PCDH15: variants seen among roughly 807,000 people sequenced by gnomAD.
The protein encoded by PCDH15 is protocadherin-15.
Under a neutral mutation model 178.5 loss-of-function variants are expected in PCDH15, and 129 were observed. The ratio of observed to expected loss-of-function variants is 0.72; its 90% confidence interval spans 0.63 to 0.84. PCDH15 has a LOEUF of 0.84. Ranked by LOEUF, PCDH15 falls within the 40% of genes least tolerant of loss-of-function variation. PCDH15 has a pLI of 0.00. For missense variants in PCDH15, 2,230 were observed against 2,099.9 expected (o/e 1.06, Z -1.21); for synonymous variants, 800 against 732.0 (o/e 1.09, Z -1.50).
chr10:54,570,072 GT>G (rs2089598080), intron 2 of PCDH15, among the ~76,000 whole-genome samples: 1 of 151,776 alleles, frequency 6.6e-6, no homozygotes, highest in Non-Finnish European at 1.5e-5. Flanking sequence ...GTGTGTGTGT[GT>G]TTGTGTGAAT....
intron 2 of PCDH15, among the ~76,000 whole-genome samples, chr10:55,129,529 A>G (rs1229076592): frequency 2.0e-5 from 3 of 152,110 alleles, no homozygotes; most frequent in African/African-American, 7.2e-5. Flanking sequence ...TACATAGTCA[A>G]TTCTTCTCTC....
chr10:55,326,739 C>G (rs2132305502), intron 2 of PCDH15, among the ~76,000 whole-genome samples: 1 of 151,950 alleles, frequency 6.6e-6, no homozygotes, highest in South Asian at 2.1e-4. Context: ...ACAACAAAAT[C>G]TAACACATAC....
intron 3 of PCDH15, among the ~76,000 whole-genome samples, chr10:54,847,609 A>G (rs995105358): frequency 6.6e-6 from 1 of 152,174 alleles, no homozygotes; most frequent in African/African-American, 2.4e-5. Flanking sequence ...ACCACACAAT[A>G]CACTTCAGGA....
At chr10:55,103,467 G>A (rs2132048252) in intron 2 of PCDH15, among the ~76,000 whole-genome samples, 1 of 152,022 alleles carries the variant, frequency 6.6e-6, no homozygotes, top group Non-Finnish European at 1.5e-5. Flanking sequence ...GATGTTTTTT[G>A]TTATATCCAC....
chr10:54,546,546 G>GA (rs1565561489), intron 2 of PCDH15, among the ~76,000 whole-genome samples: 1 of 151,988 alleles, frequency 6.6e-6, no homozygotes, highest in East Asian at 1.9e-4. Context: ...TTTATTATAA[G>GA]AAAACATGAC....
chr10:53,934,312 C>T (rs1039268445), intron 25 of PCDH15, among the ~76,000 whole-genome samples: 5 of 152,096 alleles, frequency 3.3e-5, no homozygotes, highest in African/African-American at 4.8e-5. Flanking sequence ...GGCAGCATCA[C>T]CTCACTCATG....
chr10:53,941,530 C>T (rs753097916), intron 23 of PCDH15, among the ~76,000 whole-genome samples: 48 of 152,134 alleles, frequency 3.2e-4, no homozygotes, highest in South Asian at 1.0e-3. Context: ...CATAATATTT[C>T]GCGGTCTGAA....
intron 2 of PCDH15, among the ~76,000 whole-genome samples, chr10:54,964,421 T>TGCCA (rs1352369752): frequency 6.6e-6 from 1 of 152,192 alleles, no homozygotes; most frequent in Non-Finnish European, 1.5e-5. Flanking sequence ...CTTACTCTCC[T>TGCCA]ATTATAAGAA....
intron 15 of PCDH15, among the ~76,000 whole-genome samples, chr10:54,121,093 T>C (rs1020566061): frequency 1.3e-5 from 2 of 151,914 alleles, no homozygotes; most frequent in Non-Finnish European, 2.9e-5. Context: ...AGCACCCATA[T>C]TCTTGGACCC....
intron 3 of PCDH15, among the ~76,000 whole-genome samples, chr10:54,504,337 G>A (rs2080983938): frequency 6.6e-6 from 1 of 151,980 alleles, no homozygotes; most frequent in Non-Finnish European, 1.5e-5. Context: ...TTGGAAAATT[G>A]CTACAAATTC....
At chr10:55,048,721 T>G (rs909548046) in intron 2 of PCDH15, among the ~76,000 whole-genome samples, 18 of 151,890 alleles carry the variant, frequency 1.2e-4, no homozygotes, top group African/African-American at 3.4e-4. Flanking sequence ...TATTAATATA[T>G]TTTTATTTCA....
At chr10:54,774,363 C>T (rs1189071104) in intron 1 of PCDH15, among the ~76,000 whole-genome samples, 2 of 151,972 alleles carry the variant, frequency 1.3e-5, no homozygotes, top group Non-Finnish European at 2.9e-5. Context: ...CTGTAATACT[C>T]ATTAAGGGCA....
At chr10:54,638,857 A>T (rs954882732) in intron 2 of PCDH15, among the ~76,000 whole-genome samples, 1 of 151,982 alleles carries the variant, frequency 6.6e-6, no homozygotes, top group South Asian at 2.1e-4. Flanking sequence ...GCTCAGCTAT[A>T]AAAAATAACG....
chr10:54,192,075 A>G (rs1291651672), intron 11 of PCDH15, among the ~76,000 whole-genome samples: 1 of 150,118 alleles, frequency 6.7e-6, no homozygotes, highest in East Asian at 2.0e-4. Flanking sequence ...GCAGAAGGAA[A>G]GAAGAAAGAA....
intron 13 of PCDH15, among the ~76,000 whole-genome samples, chr10:54,177,303 A>G (rs1451609113): frequency 2.6e-5 from 4 of 152,154 alleles, no homozygotes; most frequent in African/African-American, 7.2e-5. Flanking sequence ...GCATAGGCAG[A>G]GCACAGGATT....
chr10:54,399,518 G>GT (rs1951675188), intron 3 of PCDH15, among the ~76,000 whole-genome samples: 1 of 152,068 alleles, frequency 6.6e-6, no homozygotes, highest in African/African-American at 2.4e-5. Context: ...TAGTTGAAGG[G>GT]TGTCTGACTT....
chr10:54,253,483 C>T (rs1304545618), intron 8 of PCDH15, among the ~76,000 whole-genome samples: 1 of 151,912 alleles, frequency 6.6e-6, no homozygotes. Flanking sequence ...TATTGACTTC[C>T]TCTAGTTCTG....
At chr10:54,899,849 A>G (rs1954612680) in intron 2 of PCDH15, among the ~76,000 whole-genome samples, 1 of 69,326 alleles carries the variant, frequency 1.4e-5, no homozygotes, top group Non-Finnish European at 2.7e-5. Flanking sequence ...CAAAGGAATG[A>G]CATATTTTTC....
At chr10:54,708,799 TGTGC>T (rs771343391) in intron 1 of PCDH15, among the ~76,000 whole-genome samples, 72 of 150,818 alleles carry the variant, frequency 4.8e-4, no homozygotes, top group South Asian at 3.1e-3. Context: ...TGTGTGTGTG[TGTGC>T]GCGCGCGTGC....
Sources: gnomAD v4.1 joint callset for allele counts (sites outside exome capture counted in the v4.1 genomes callset) on GRCh38, gnomAD v4.1.1 for gene constraint, MANE v1.5 for transcripts, NCBI Gene and HGNC (gene_info 2026-07-23, HGNC 2026-07-21) for gene names.